Variants in MYT1L observed in about 807,000 individuals in gnomAD.
MYT1L encodes myelin transcription factor 1 like.
A neutral mutation model predicts 126.7 loss-of-function variants in MYT1L; 12 were observed. The ratio of observed to expected loss-of-function variants is 0.09; its 90% CI spans 0.06 to 0.15. The LOEUF is 0.15. Among genes scored for constraint, MYT1L ranks in the 10% least tolerant of loss-of-function variants. The pLI, the probability that MYT1L is intolerant of heterozygous loss-of-function variation, is 1.00. For missense variants in MYT1L, 979 were observed against 1,585.2 expected (o/e 0.62, Z 6.49); for synonymous variants, 541 against 604.2 (o/e 0.90, Z 1.53).
At chr2:2,216,051 C>G (rs1347216179) in intron 2 of MYT1L, among the ~76,000 whole-genome samples, 1 of 152,128 alleles carries the variant, frequency 6.6e-6, no homozygotes, top group East Asian at 1.9e-4. Context: ...CTGTCTCTCT[C>G]TCTCTCTCTC....
At chr2:1,794,058 T>G (rs1172930689) in intron 23 of MYT1L, among the ~76,000 whole-genome samples, 1 of 152,210 alleles carries the variant, frequency 6.6e-6, no homozygotes, top group Non-Finnish European at 1.5e-5. Context: ...TAATCTAGAA[T>G]GAGGCGTCAT....
At chr2:1,849,269 C>T (rs1236492291) in intron 19 of MYT1L, among the ~76,000 whole-genome samples, 1 of 152,106 alleles carries the variant, frequency 6.6e-6, no homozygotes, top group Admixed American at 6.5e-5. Flanking sequence ...CGTGAGAGGA[C>T]CAAGACATCG....
In MYT1L at chr2:2,188,828, T is replaced by C. The variant is rs192133208; in HGVS notation, c.-420-15840A>G. ...AATGCAGGTGGGTCAGAGTTTTGAG[T>C]GATGTGAGTTTTGAAATCCACTTCC... On this transcript the variant is annotated intron_variant, in intron 2 of 24. Coordinates refer to ENST00000647738, the MANE Select transcript of MYT1L (RefSeq NM_001303052.2). 3.7e-3 allele frequency among the ~76,000 whole-genome samples: 561 copies of C among 152,168 alleles called. 2 individuals are homozygous for C. Among genetic ancestry groups the C allele is most frequent in the Middle Eastern group, 0.017 (5 of 294 alleles).
intron 2 of MYT1L, among the ~76,000 whole-genome samples, chr2:2,273,271 GA>G (rs1478721617): frequency 6.6e-6 from 1 of 152,098 alleles, no homozygotes; most frequent in Non-Finnish European, 1.5e-5. Context: ...TGAGGGAGAA[GA>G]AAAACAAAAT....
At chr2:2,289,628 T>G (rs2095569987) in intron 1 of MYT1L, among the ~76,000 whole-genome samples, 1 of 152,222 alleles carries the variant, frequency 6.6e-6, no homozygotes, top group Non-Finnish European at 1.5e-5. Flanking sequence ...CTTGTACCAC[T>G]GCTTGATCTT....
chr2:2,128,123 T>C (rs1327781586), intron 3 of MYT1L, among the ~76,000 whole-genome samples: 3 of 152,186 alleles, frequency 2.0e-5, no homozygotes, highest in Admixed American at 6.5e-5. Flanking sequence ...GGTCACCAGC[T>C]CTGAGATCGC....
At chr2:1,963,525 A>G (rs1180207524) in intron 8 of MYT1L, among the ~76,000 whole-genome samples, 1 of 152,218 alleles carries the variant, frequency 6.6e-6, no homozygotes, top group Non-Finnish European at 1.5e-5. Context: ...GAATTCCTAG[A>G]TGCCATCTTC....
chr2:2,226,069 C>T lies in MYT1L; in HGVS notation c.-420-53081G>A, dbSNP rs570622188. ...GGGATGAACAACTTTGCCTTTCTGGCACCTTTTCTTTCTTATAGATGCATC... is the reference window on the plus strand; with the variant it reads ...GGGATGAACAACTTTGCCTTTCTGGTACCTTTTCTTTCTTATAGATGCATC... On this transcript the variant is annotated intron_variant, in intron 2 of 24. Coordinates refer to ENST00000647738, the MANE Select transcript of MYT1L (RefSeq NM_001303052.2). Among the ~76,000 whole-genome samples, 3 of 152,204 alleles carry T rather than the reference C, an allele frequency of 2.0e-5. No homozygotes were observed. The East Asian group carries it at 5.8e-4, about 30-fold the overall frequency.
chr2:1,847,073 C>T (rs185590967), intron 19 of MYT1L, among the ~76,000 whole-genome samples: 3 of 152,272 alleles, frequency 2.0e-5, no homozygotes, highest in Admixed American at 6.5e-5. Flanking sequence ...ACTGTCTGGC[C>T]GTTTGACTGC....
chr2:1,831,160 C>T (rs926085979), intron 21 of MYT1L, among the ~76,000 whole-genome samples: 20 of 144,892 alleles, frequency 1.4e-4, no homozygotes, highest in African/African-American at 4.2e-4. Context: ...GAATGACTCC[C>T]ATGAAGTCCT....
At chr2:1,835,205 A>G (rs1286682253) in intron 21 of MYT1L, among the ~76,000 whole-genome samples, 2 of 152,226 alleles carry the variant, frequency 1.3e-5, no homozygotes, top group Non-Finnish European at 2.9e-5. Flanking sequence ...TCTTGAAAAT[A>G]TTTTAAGTCA....
intron 2 of MYT1L, among the ~76,000 whole-genome samples, chr2:2,237,588 C>T (rs762957196): frequency 2.6e-5 from 4 of 152,158 alleles, no homozygotes; most frequent in African/African-American, 9.7e-5. Flanking sequence ...GCCTCTTTAT[C>T]CAAAATCCCA....
chr2:2,112,690 G>A (rs573697291), intron 3 of MYT1L, among the ~76,000 whole-genome samples: 1 of 152,260 alleles, frequency 6.6e-6, no homozygotes, highest in African/African-American at 2.4e-5. Context: ...ACCACACTGA[G>A]GATGCTCATT....
intron 5 of MYT1L, among the ~76,000 whole-genome samples, chr2:1,994,497 G>C (rs1012606014): frequency 6.6e-6 from 1 of 152,228 alleles, no homozygotes; most frequent in African/African-American, 2.4e-5. Flanking sequence ...GGGCCGTGCT[G>C]TCTCCTGGTG....
rs143324486 is a variant in MYT1L, at chr2:2,124,464, T to C, written c.-304+48408A>G. Among the ~76,000 whole-genome samples the C allele has an allele frequency of 4.9e-3, 742 of 152,036 alleles. 6 individuals are homozygous for C. Among genetic ancestry groups the C allele is most frequent in the African/African-American group, 0.017 (718 of 41,492 alleles). ...GCACGTGCCACCACACCTGGCTGAT[T>C]TTGGTATTTTTAGTAGAGATGGGGT... On this transcript the variant is annotated intron_variant, in intron 3 of 24. Coordinates refer to ENST00000647738, the MANE Select transcript of MYT1L (RefSeq NM_001303052.2).
At chr2:2,027,407 A>G (rs2065757263) in intron 4 of MYT1L, among the ~76,000 whole-genome samples, 1 of 152,200 alleles carries the variant, frequency 6.6e-6, no homozygotes, top group African/African-American at 2.4e-5. Flanking sequence ...AAGGTCTCTG[A>G]AAGGGAGATT....
At chr2:1,861,808 A>G (rs868321666) in intron 18 of MYT1L, among the ~76,000 whole-genome samples, 136 of 151,564 alleles carry the variant, frequency 9.0e-4, no homozygotes, top group Middle Eastern at 3.5e-3. Context: ...GTAATCCTAG[A>G]TCTGCCTGCA....
intron 1 of MYT1L, among the ~76,000 whole-genome samples, chr2:2,294,382 GAA>G (rs1348337132): frequency 1.3e-5 from 2 of 152,120 alleles, no homozygotes; most frequent in African/African-American, 2.4e-5. Context: ...AAGAATGGGG[GAA>G]GAGAGTTGGC....
chr2:2,010,393 G>A (rs1386375125), intron 4 of MYT1L, among the ~76,000 whole-genome samples: 1 of 152,078 alleles, frequency 6.6e-6, no homozygotes, highest in African/African-American at 2.4e-5. Flanking sequence ...GTTCTGCTTG[G>A]CTATGAACAA....
Sources: allele counts gnomAD v4.1 joint callset (sites outside exome capture counted in the v4.1 genomes callset), GRCh38; gene constraint gnomAD v4.1.1; transcripts MANE v1.5; gene names NCBI Gene and HGNC (gene_info 2026-07-23, HGNC 2026-07-21).